WDR72: variants seen among roughly 807,000 people sequenced by gnomAD.
WDR72 encodes the protein WD repeat-containing protein 72.
A neutral mutation model predicts 124.2 loss-of-function variants in WDR72; 120 were observed. That is an observed-to-expected ratio of 0.97 (90% confidence interval 0.83 to 1.12). The LOEUF is 1.12. WDR72 is among the 50% of genes most tolerant of loss of function. The pLI, the probability that WDR72 is intolerant of heterozygous loss-of-function variation, is 0.00. For synonymous variants in WDR72, 452 were observed against 441.7 expected (o/e 1.02, Z -0.29); for missense variants, 1,387 against 1,278.8 (o/e 1.08, Z -1.29).
intron 13 of WDR72, among the ~76,000 whole-genome samples, chr15:53,682,375 G>A (rs1288401152): frequency 6.6e-6 from 1 of 151,838 alleles, no homozygotes; most frequent in Non-Finnish European, 1.5e-5. Flanking sequence ...TGTACACTGG[G>A]TCTTGTCTCT....
chr15:53,597,013 A>G, intron 18 of WDR72, 66 bp downstream of exon 18: 1 of 1,491,356 alleles, frequency 6.7e-7, no homozygotes, highest in Non-Finnish European at 9.3e-7. Flanking sequence ...GCACCACCAT[A>G]AGTTGGAGAC....
chr15:53,519,632 A>G (rs1402717169), intron 19 of WDR72, among the ~76,000 whole-genome samples: 1 of 152,106 alleles, frequency 6.6e-6, no homozygotes, highest in African/African-American at 2.4e-5. Context: ...CAAGACCTCC[A>G]GGTTCACTAG....
chr15:53,659,350 C>T (rs930395369), intron 14 of WDR72, among the ~76,000 whole-genome samples: 2 of 152,216 alleles, frequency 1.3e-5, no homozygotes, highest in Admixed American at 6.5e-5. Context: ...CACTCCCCAC[C>T]GGCACGTGCT....
Position 53,734,939 on chromosome 15 carries a change from G to C in WDR72, c.-12-1778C>G, listed in dbSNP as rs1210152939. ...TGTTTCCAGGTCAATGATACTATTGGGAGGCTTGTCAGAAACACTACAGAC... is the reference window on the plus strand; with the variant it reads ...TGTTTCCAGGTCAATGATACTATTGCGAGGCTTGTCAGAAACACTACAGAC... On this transcript the variant is annotated intron_variant, in intron 1 of 19. Coordinates refer to ENST00000360509, the MANE Select transcript of WDR72 (RefSeq NM_182758.4). Among the ~76,000 whole-genome samples, 3 of 151,876 alleles carry C rather than the reference G, an allele frequency of 2.0e-5. No individual in the cohort carries two copies. In the East Asian group the frequency reaches 5.8e-4, roughly 29 times the overall value.
At chr15:53,704,905 C>T (rs191642242) in intron 11 of WDR72, 83 bp downstream of exon 11, 2 of 1,483,232 alleles carry the variant, frequency 1.3e-6, no homozygotes, top group East Asian at 2.3e-5. Flanking sequence ...ATTATTTAGG[C>T]CTCTAAATCT....
intron 18 of WDR72, among the ~76,000 whole-genome samples, chr15:53,589,117 C>A (rs1043177674): frequency 6.6e-6 from 1 of 151,894 alleles, no homozygotes; most frequent in African/African-American, 2.4e-5. Flanking sequence ...AAACTGAAAT[C>A]AGATCATGAC....
chr15:53,643,283 G>C (rs926313672), intron 14 of WDR72, among the ~76,000 whole-genome samples: 12 of 152,038 alleles, frequency 7.9e-5, no homozygotes, highest in Non-Finnish European at 1.8e-4. Flanking sequence ...TGACTGCCTA[G>C]TCTCCATTCC....
rs1891443622 is a variant in WDR72, at chr15:53,516,029, A to C, written c.*1670T>G. On this transcript the variant is annotated 3_prime_UTR_variant, in exon 20 of 20. Transcript: ENST00000360509. Reference sequence around the variant, plus strand: ...GGTATACAACAAGCAAGAAAATATAATCCATCGCCTAACTTGCTACCTTCC... The same window carrying C: ...GGTATACAACAAGCAAGAAAATATACTCCATCGCCTAACTTGCTACCTTCC... 6.6e-6 allele frequency: 1 copy of C among 152,084 alleles called. No individual in the cohort carries two copies. Among genetic ancestry groups the C allele is most frequent in the Admixed American group, 6.6e-5 (1 of 15,262 alleles). The allele number at this position is 152,084 out of a possible 1,614,324, so 9.4% of individuals were successfully genotyped here.
intron 18 of WDR72, among the ~76,000 whole-genome samples, chr15:53,573,999 A>G (rs1187719053): frequency 2.0e-5 from 3 of 152,218 alleles, no homozygotes; most frequent in African/African-American, 4.8e-5. Flanking sequence ...ACGTTTGAGT[A>G]TGTTATAGAA....
chr15:53,616,956 C>T (rs2013791760), intron 14 of WDR72, among the ~76,000 whole-genome samples: 1 of 151,746 alleles, frequency 6.6e-6, no homozygotes, highest in Non-Finnish European at 1.5e-5. Context: ...ATGTTTCCTC[C>T]ACTAGCATTC....
intron 14 of WDR72, among the ~76,000 whole-genome samples, chr15:53,651,806 C>T (rs1431759423): frequency 2.0e-5 from 3 of 152,018 alleles, no homozygotes; most frequent in Non-Finnish European, 2.9e-5. Context: ...GTGCGCGACA[C>T]CATGCCGGCT....
chr15:53,549,262 T>C (rs567633978), intron 18 of WDR72, among the ~76,000 whole-genome samples: 1 of 152,288 alleles, frequency 6.6e-6, no homozygotes, highest in South Asian at 2.1e-4. Context: ...TACAGTCGCA[T>C]GTGATGAATG....
chr15:53,615,027 A>ATGATG (rs1398179125), intron 15 of WDR72, among the ~76,000 whole-genome samples: 1 of 152,066 alleles, frequency 6.6e-6, no homozygotes, highest in African/African-American at 2.4e-5. Flanking sequence ...ATAAGCATTT[A>ATGATG]CTTAAATGTT....
At chr15:53,567,276 G>A (rs984303130) in intron 18 of WDR72, among the ~76,000 whole-genome samples, 2 of 151,960 alleles carry the variant, frequency 1.3e-5, no homozygotes, top group African/African-American at 2.4e-5. Context: ...CGAGAAATGA[G>A]TATAGATTTT....
intron 14 of WDR72, among the ~76,000 whole-genome samples, chr15:53,616,703 G>A (rs564092631): frequency 7.2e-5 from 11 of 152,138 alleles, no homozygotes; most frequent in African/African-American, 2.6e-4. Flanking sequence ...GTTAACCAAT[G>A]TCATATTGCT....
At chr15:53,714,757 T>A (rs181520951) in intron 5 of WDR72, among the ~76,000 whole-genome samples, 2 of 152,170 alleles carry the variant, frequency 1.3e-5, no homozygotes, top group Non-Finnish European at 2.9e-5. Flanking sequence ...CAAATCATCA[T>A]AAAATGAAAC....
At chr15:53,685,337 T>C (rs1243227625) in intron 13 of WDR72, among the ~76,000 whole-genome samples, 1 of 128,484 alleles carries the variant, frequency 7.8e-6, no homozygotes, top group Non-Finnish European at 1.6e-5. Context: ...AATGTATAAC[T>C]AGAATAACCA....
At chr15:53,654,560 G>T (rs1247962700) in intron 14 of WDR72, among the ~76,000 whole-genome samples, 3 of 152,212 alleles carry the variant, frequency 2.0e-5, no homozygotes, top group Non-Finnish European at 4.4e-5. Flanking sequence ...TGGCCCCATA[G>T]CTGGGCCTTT....
chr15:53,640,266 G>T (rs1250567474), intron 14 of WDR72, among the ~76,000 whole-genome samples: 1 of 152,104 alleles, frequency 6.6e-6, no homozygotes, highest in African/African-American at 2.4e-5. Context: ...TAATTACAAG[G>T]TCAGTCAAAA....
Sources: allele counts gnomAD v4.1 joint callset (sites outside exome capture counted in the v4.1 genomes callset), GRCh38; gene constraint gnomAD v4.1.1; transcripts MANE v1.5; gene names NCBI Gene and HGNC (gene_info 2026-07-23, HGNC 2026-07-21).